SNX12: variants seen among roughly 807,000 people sequenced by gnomAD.
The protein encoded by SNX12 is sorting nexin-12.
For synonymous variants in SNX12, 47 were observed against 56.0 expected (o/e 0.84, Z 0.71); for missense variants, 62 against 141.3 (o/e 0.44, Z 2.84).
At chrX:71,062,361 CCACT>C (rs1284950174) in intron 2 of SNX12, among the ~76,000 whole-genome samples, 2 of 104,124 alleles carry the variant, frequency 1.9e-5, no homozygotes, top group East Asian at 5.9e-4. Flanking sequence ...CCTGAACTTA[CCACT>C]TTCTTTTTTT....
At chrX:71,073,115 C>G (rs1443943691), upstream of SNX12, among the ~76,000 whole-genome samples, 1 of 110,021 alleles carries the variant, frequency 9.1e-6, no homozygotes, top group Admixed American at 9.8e-5. Context: ...CAGGTGACAT[C>G]AGAACTTGAT....
At chrX:71,072,406 T>C (rs958948658), upstream of SNX12, among the ~76,000 whole-genome samples, 1 of 111,440 alleles carries the variant, frequency 9.0e-6, no homozygotes, top group African/African-American at 3.3e-5. Context: ...GTGTTTAATA[T>C]AGTAGAAAGG....
At chrX:71,069,290 T>G (rs983294468), upstream of SNX12, among the ~76,000 whole-genome samples, 2 of 111,977 alleles carry the variant, frequency 1.8e-5, no homozygotes, top group African/African-American at 6.5e-5. Context: ...TGCCTGAAAT[T>G]CTTTCAACAG....
At chrX:71,072,223 A>C (rs1391029799), upstream of SNX12, among the ~76,000 whole-genome samples, 3 of 106,310 alleles carry the variant, frequency 2.8e-5, no homozygotes, top group African/African-American at 6.9e-5. Flanking sequence ...GAGCCACTGC[A>C]CTCCAGCCAG....
chrX:71,065,820 A>G (rs1379017531), intron 1 of SNX12, among the ~76,000 whole-genome samples: 1 of 107,061 alleles, frequency 9.3e-6, no homozygotes, highest in Non-Finnish European at 1.9e-5. Context: ...AAAAAAAAAA[A>G]ATTAGCCAGG....
upstream of SNX12, among the ~76,000 whole-genome samples, chrX:71,071,174 T>C (rs1321305331): frequency 9.3e-6 from 1 of 108,089 alleles, no homozygotes; most frequent in African/African-American, 3.3e-5. Context: ...CAAGGCTTTT[T>C]ATCTTAGTCA....
Position 71,064,061 on chromosome X carries a change from T to C in SNX12, c.166-1112A>G, listed in dbSNP as rs779487414. On this transcript the variant is annotated intron_variant, in intron 1 of 3. Transcript: ENST00000374274. ...AGTATTTATGAAAATATACTGGTAA[T>C]GGTGATTGACTTTCGAGAGTAAGAG... Among the ~76,000 whole-genome samples the C allele has an allele frequency of 6.3e-5, 7 of 111,998 alleles. No individual in the cohort carries two copies. In the East Asian group the frequency reaches 1.9e-3, roughly 31 times the overall value.
intron 2 of SNX12, among the ~76,000 whole-genome samples, chrX:71,062,478 T>A (rs1346811103): frequency 9.7e-6 from 1 of 103,279 alleles, no homozygotes; most frequent in Admixed American, 1.1e-4. Flanking sequence ...GTTCAAGCAA[T>A]TCCCATGCCT....
At chrX:71,065,357 C>CAAAAAA (rs34405331) in intron 1 of SNX12, among the ~76,000 whole-genome samples, 1 of 56,106 alleles carries the variant, frequency 1.8e-5, no homozygotes, top group Admixed American at 2.4e-4. Context: ...GACTTTGTCT[C>CAAAAAA]AAAAAAAAAA....
intron 1 of SNX12, among the ~76,000 whole-genome samples, chrX:71,066,454 G>A (rs1001873554): frequency 1.8e-5 from 2 of 110,367 alleles, no homozygotes; most frequent in African/African-American, 3.3e-5. Context: ...GCCAGGCATG[G>A]TGGCATGTGC....
chrX:71,061,470 C>T (rs2092130990), intron 3 of SNX12, among the ~76,000 whole-genome samples: 4 of 112,413 alleles, frequency 3.6e-5, no homozygotes, highest in South Asian at 7.4e-4. Context: ...CGGTGGCTCA[C>T]GCCTGTAATC....
chrX:71,069,985 A>C (rs1176424722), upstream of SNX12, among the ~76,000 whole-genome samples: 3 of 108,579 alleles, frequency 2.8e-5, no homozygotes, highest in Admixed American at 2.0e-4. Context: ...AGAGAGAGAG[A>C]GCGAAAGAAA....
rs772395597 is a variant in SNX12, at chrX:71,061,881, G to A, written c.348C>T (p.Ile116=). The change falls in exon 3 of 4, where the codon ATC becomes ATT. Residue 116 remains isoleucine, a synonymous_variant. Coordinates refer to ENST00000374274, the MANE Select transcript of SNX12 (RefSeq NM_013346.4). The part of the protein sequence containing the change: ...GDEGIFEESF[I]EERRQGLEQF... ...GCTCGAGGCCCTGCCTCCTTTCTTCGATGAAAGACTCCTCAAAGATCCCTT... is the reference window on the plus strand; with the variant it reads ...GCTCGAGGCCCTGCCTCCTTTCTTCAATGAAAGACTCCTCAAAGATCCCTT... 17 of 1,205,359 alleles carry A rather than the reference G, an allele frequency of 1.4e-5. No individual in the cohort carries two copies. The highest frequency in any genetic ancestry group is 1.2e-4 in the East Asian group (4 of 33,601).
rs2092129197 is a variant in SNX12 at position 71,060,985 on chromosome X, G to A, written c.*31C>T. 1 of 1,075,999 alleles carries A rather than the reference G, an allele frequency of 9.3e-7. No individual in the cohort carries two copies. The highest frequency in any genetic ancestry group is 2.3e-5 in the Admixed American group (1 of 43,735). 88.7% of individuals were successfully genotyped at this position (1,075,999 alleles called of 1,213,427 possible). A position where few individuals can be genotyped will look rare whatever the true frequency, so the allele number is the denominator to read the frequency against. ...GTAAAAACCAATGTCATTTCAGCAG[G>A]AAAGTAGAGGGCAGGTGGTGAGAGG... On this transcript the variant is annotated 3_prime_UTR_variant, in exon 4 of 4. Transcript: ENST00000374274.
intron 1 of SNX12, among the ~76,000 whole-genome samples, chrX:71,064,179 T>C (rs1204385409): frequency 8.9e-6 from 1 of 111,746 alleles, no homozygotes; most frequent in African/African-American, 3.3e-5. Context: ...AAAAAGTGAA[T>C]TTAAATTCCC....
At chrX:71,068,343 T>G, upstream of SNX12, 1 of 1,129,055 alleles carries the variant, frequency 8.9e-7, no homozygotes, top group Non-Finnish European at 1.2e-6. Context: ...GGAAAGGGGG[T>G]GGGGGACAGA....
At chrX:71,066,076 A>G (rs1233217340) in intron 1 of SNX12, among the ~76,000 whole-genome samples, 1 of 112,545 alleles carries the variant, frequency 8.9e-6, no homozygotes, top group African/African-American at 3.2e-5. Context: ...TCAAGGAGAC[A>G]GAAGTGTAGC....
At chrX:71,072,207 G>C (rs774985905), upstream of SNX12, among the ~76,000 whole-genome samples, 19 of 106,978 alleles carry the variant, frequency 1.8e-4, no homozygotes, top group African/African-American at 6.5e-4. Flanking sequence ...GCAGTGATCC[G>C]AGATCGAGCC....
Position 71,062,920 on chromosome X carries a change from C to T in SNX12, c.195G>A (p.Glu65=). Residue 65 remains glutamate (E), a synonymous_variant, in exon 2 of 4, where the codon GAG becomes GAA. Transcript: ENST00000374274. ...CACTGTAGCGCCGCCGTACGCAGGA[C>T]TCCTTTAGCTTGAAGATAGGTAGGT... ...RTNLPIFKLK[E]SCVRRRYSDF... is the part of the protein sequence containing the mutation. The T allele has an allele frequency of 8.3e-7, 1 of 1,205,218 alleles. No individual in the cohort carries two copies. The highest frequency in any genetic ancestry group is 2.2e-5 in the Admixed American group (1 of 45,848).
Sources: gnomAD v4.1 joint callset for allele counts (sites outside exome capture counted in the v4.1 genomes callset) on GRCh38, gnomAD v4.1.1 for gene constraint, MANE v1.5 for transcripts, NCBI Gene and HGNC (gene_info 2026-07-23, HGNC 2026-07-21) for gene names.